SEMA6D: variants seen among roughly 807,000 people sequenced by gnomAD.
SEMA6D encodes the protein semaphorin-6D.
A neutral mutation model predicts 106.6 loss-of-function variants in SEMA6D; 35 were observed. The ratio of observed to expected loss-of-function variants is 0.33; its 90% CI spans 0.25 to 0.44. The LOEUF (loss-of-function observed/expected upper bound fraction) is 0.44, where lower values mean the gene tolerates loss of function less well. Among genes scored for constraint, SEMA6D ranks in the 20% least tolerant of loss-of-function variants. SEMA6D has a pLI of 1.00. For missense variants in SEMA6D, 1,185 were observed against 1,345.9 expected (o/e 0.88, Z 1.87); for synonymous variants, 499 against 487.7 (o/e 1.02, Z -0.31).
intron 1 of SEMA6D, among the ~76,000 whole-genome samples, chr15:47,756,567 A>G (rs2081753578): frequency 6.6e-6 from 1 of 152,248 alleles, no homozygotes; most frequent in South Asian, 2.1e-4. Flanking sequence ...ACAGGGCCCA[A>G]GAGCCAGGAA....
At chr15:47,731,239 A>C (rs539814941) in intron 1 of SEMA6D, among the ~76,000 whole-genome samples, 1 of 151,730 alleles carries the variant, frequency 6.6e-6, no homozygotes, top group Non-Finnish European at 1.5e-5. Flanking sequence ...CACCTCATTC[A>C]GCTCTCAGGG....
chr15:47,234,516 G>A (rs371950680), intron 1 of SEMA6D, among the ~76,000 whole-genome samples: 2 of 151,766 alleles, frequency 1.3e-5, no homozygotes, highest in East Asian at 1.9e-4. Context: ...CCCTTCCTGA[G>A]TCTCCAATGT....
intron 1 of SEMA6D, among the ~76,000 whole-genome samples, chr15:47,206,513 A>G (rs186901804): frequency 1.3e-5 from 2 of 152,284 alleles, no homozygotes; most frequent in Admixed American, 6.5e-5. Flanking sequence ...GAAATGAACT[A>G]TCAGCTTCCT....
rs1472993361 is a variant in SEMA6D, at chr15:47,279,986, C to G, written c.-239+95568C>G. Among the ~76,000 whole-genome samples, 4 of 150,822 alleles carry G rather than the reference C, an allele frequency of 2.7e-5. No individual in the cohort carries two copies. The South Asian group carries it at 6.4e-4, about 24-fold the overall frequency. On this transcript the variant is annotated intron_variant, in intron 1 of 19. Coordinates refer to the SEMA6D transcript ENST00000558014. ...TCATCAAGGATATTGGTCTAAAATT[C>G]TCTTTTTTGGTTGTGTCTCTGCCCA...
chr15:47,474,543 T>C (rs1201625185), intron 3 of SEMA6D, among the ~76,000 whole-genome samples: 3 of 152,242 alleles, frequency 2.0e-5, no homozygotes, highest in Non-Finnish European at 4.4e-5. Flanking sequence ...TCTTAAAATA[T>C]GATTCTTCTC....
chr15:47,344,693 T>C (rs986638722), intron 1 of SEMA6D, among the ~76,000 whole-genome samples: 2 of 152,176 alleles, frequency 1.3e-5, no homozygotes, highest in African/African-American at 4.8e-5. Flanking sequence ...TATTGGTCAG[T>C]GCAATGTTGT....
intron 4 of SEMA6D, among the ~76,000 whole-genome samples, chr15:47,661,509 C>T (rs1320919307): frequency 6.6e-6 from 1 of 152,212 alleles, no homozygotes; most frequent in Non-Finnish European, 1.5e-5. Flanking sequence ...GCATGAAGAG[C>T]TGGCTTCTCC....
intron 1 of SEMA6D, among the ~76,000 whole-genome samples, chr15:47,269,006 CA>C (rs1333269080): frequency 6.6e-6 from 1 of 152,058 alleles, no homozygotes; most frequent in Admixed American, 6.6e-5. Flanking sequence ...GTATTTTCAG[CA>C]AAAACAGTTG....
chr15:47,252,073 G>A (rs1184832247), intron 1 of SEMA6D, among the ~76,000 whole-genome samples: 15 of 149,258 alleles, frequency 1.0e-4, no homozygotes, highest in Admixed American at 1.0e-3. Flanking sequence ...CCGCTACCAC[G>A]CCCGGCTAAT....
At chr15:47,601,608 A>G (rs1251560732) in intron 4 of SEMA6D, among the ~76,000 whole-genome samples, 2 of 152,202 alleles carry the variant, frequency 1.3e-5, no homozygotes, top group African/African-American at 2.4e-5. Flanking sequence ...GAGCAATGGT[A>G]AAGCTAATAA....
chr15:47,628,551 A>G (rs1378299905), intron 4 of SEMA6D, among the ~76,000 whole-genome samples: 9 of 151,928 alleles, frequency 5.9e-5, no homozygotes, highest in Non-Finnish European at 2.9e-5. Flanking sequence ...TTTTCTAACT[A>G]TATATCCTCT....
intron 4 of SEMA6D, among the ~76,000 whole-genome samples, chr15:47,698,469 TA>T (rs770572108): frequency 1.3e-5 from 2 of 152,196 alleles, no homozygotes; most frequent in Admixed American, 6.5e-5. Flanking sequence ...TCCAGGCTAC[TA>T]AAATCTTCCT....
intron 2 of SEMA6D, among the ~76,000 whole-genome samples, chr15:47,422,180 GCCTTCCTTCCTTCCTTCCTT>G (rs68039702): frequency 2.9e-4 from 33 of 112,874 alleles, no homozygotes; most frequent in Non-Finnish European, 5.2e-4. Flanking sequence ...CCGCCTGCCT[GCCTTCCTTCCTTCCTTCCTT>G]CCTTCCTTCC....
At chr15:47,262,877 A>G (rs561497549) in intron 1 of SEMA6D, among the ~76,000 whole-genome samples, 1 of 152,078 alleles carries the variant, frequency 6.6e-6, no homozygotes, top group South Asian at 2.1e-4. Context: ...AAAATAGAGA[A>G]CTCAGAAATA....
At chr15:47,467,059 C>A (rs778694981) in intron 2 of SEMA6D, among the ~76,000 whole-genome samples, 2 of 152,042 alleles carry the variant, frequency 1.3e-5, no homozygotes, top group South Asian at 4.2e-4. Context: ...TACCTTGACA[C>A]CTTTTTCATA....
intron 3 of SEMA6D, among the ~76,000 whole-genome samples, chr15:47,565,335 C>T (rs571061773): frequency 8.5e-4 from 130 of 152,286 alleles, no homozygotes; most frequent in South Asian, 2.5e-3. Flanking sequence ...TGGAGCACAG[C>T]GGGTCTGAGT....
intron 1 of SEMA6D, among the ~76,000 whole-genome samples, chr15:47,362,503 G>T (rs750339975): frequency 6.6e-6 from 1 of 152,092 alleles, no homozygotes; most frequent in Non-Finnish European, 1.5e-5. Flanking sequence ...TGGCCTCTCC[G>T]TGTCCCCATC....
intron 1 of SEMA6D, among the ~76,000 whole-genome samples, chr15:47,368,119 T>A (rs2039129313): frequency 6.6e-6 from 1 of 152,236 alleles, no homozygotes. Flanking sequence ...GCTACCAGTA[T>A]GCAACACTGA....
At chr15:47,478,967 C>G (rs1473647698) in intron 3 of SEMA6D, among the ~76,000 whole-genome samples, 1 of 152,064 alleles carries the variant, frequency 6.6e-6, no homozygotes, top group African/African-American at 2.4e-5. Context: ...TTTATTCACT[C>G]TCCCGAGAAC....
Sources: allele counts gnomAD v4.1 joint callset (sites outside exome capture counted in the v4.1 genomes callset), GRCh38; gene constraint gnomAD v4.1.1; transcripts MANE v1.5; gene names NCBI Gene and HGNC (gene_info 2026-07-23, HGNC 2026-07-21).